CACNA2D1: variants seen among roughly 807,000 people sequenced by gnomAD.
CACNA2D1 encodes voltage-dependent calcium channel subunit alpha-2/delta-1.
In CACNA2D1, 53 loss-of-function variants were observed where a neutral mutation model predicts 171.5. The observed-to-expected ratio is 0.31, with a 90% CI of 0.25 to 0.39. The LOEUF is 0.39. CACNA2D1 is among the 10% of genes least tolerant of loss of function. The pLI, the probability that CACNA2D1 is intolerant of heterozygous loss-of-function variation, is 1.00. For missense variants in CACNA2D1, 903 were observed against 1,299.8 expected (o/e 0.69, Z 4.69); for synonymous variants, 442 against 443.1 (o/e 1.00, Z 0.03).
At chr7:82,264,975 T>G (rs887407260) in intron 3 of CACNA2D1, among the ~76,000 whole-genome samples, 3 of 152,220 alleles carry the variant, frequency 2.0e-5, no homozygotes, top group Non-Finnish European at 2.9e-5. Context: ...ATATCAGGCA[T>G]GTTCATATCA....
At chr7:82,232,498 C>T (rs10233677) in intron 3 of CACNA2D1, among the ~76,000 whole-genome samples, 1 of 152,078 alleles carries the variant, frequency 6.6e-6, no homozygotes, top group East Asian at 1.9e-4. Context: ...TATGGGCTTT[C>T]TCAGTATCAT....
At chr7:82,342,884 A>G (rs1159521401) in intron 2 of CACNA2D1, among the ~76,000 whole-genome samples, 1 of 152,140 alleles carries the variant, frequency 6.6e-6, no homozygotes, top group Non-Finnish European at 1.5e-5. Context: ...GATGGTTTAT[A>G]TCTTATTCTC....
At chr7:82,409,217 G>T (rs761984507) in intron 1 of CACNA2D1, among the ~76,000 whole-genome samples, 16 of 152,066 alleles carry the variant, frequency 1.1e-4, no homozygotes, top group Non-Finnish European at 1.6e-4. Context: ...ACATTTGAGT[G>T]ACTATTACTT....
intron 10 of CACNA2D1, among the ~76,000 whole-genome samples, chr7:82,056,993 T>C (rs1805984380): frequency 1.3e-5 from 2 of 152,148 alleles, no homozygotes; most frequent in Admixed American, 6.6e-5. Context: ...CTGATAACAT[T>C]GGGACAGTCT....
At chr7:82,200,591 G>A (rs961863818) in intron 3 of CACNA2D1, among the ~76,000 whole-genome samples, 1 of 151,864 alleles carries the variant, frequency 6.6e-6, no homozygotes, top group South Asian at 2.1e-4. Flanking sequence ...CTTTTTTTGT[G>A]TTTTCTGTTC....
At chr7:82,412,793 A>C (rs2129455565) in intron 1 of CACNA2D1, among the ~76,000 whole-genome samples, 1 of 152,126 alleles carries the variant, frequency 6.6e-6, no homozygotes, top group African/African-American at 2.4e-5. Flanking sequence ...TATGTTAAAA[A>C]GTACTTGATA....
intron 3 of CACNA2D1, among the ~76,000 whole-genome samples, chr7:82,266,103 C>T (rs992312621): frequency 2.0e-5 from 3 of 152,052 alleles, no homozygotes; most frequent in African/African-American, 7.2e-5. Context: ...TTACAGGAGC[C>T]ATTCAGTTAC....
At position 82,085,521 on chromosome 7, in the gene CACNA2D1, T is replaced by TAA. The variant is rs1333024522; in HGVS notation, c.527-623_527-622dup. On this transcript the variant is annotated intron_variant, in intron 6 of 38. Coordinates refer to ENST00000356860, the MANE Select transcript of CACNA2D1 (RefSeq NM_000722.4). Reference sequence around the variant, plus strand: ...AGCAACATAAATTAGCCTGCTACCTTAAAAAAAAAAAAAAGAAAAAAAGTC... The same window carrying TAA: ...AGCAACATAAATTAGCCTGCTACCTTAAAAAAAAAAAAAAAAGAAAAAAAGTC... Among the ~76,000 whole-genome samples the TAA allele has an allele frequency of 4.5e-4, 59 of 131,286 alleles. No homozygotes were observed. The East Asian group carries it at 0.013, about 28-fold the overall frequency. The allele number at this position is 131,286 out of a possible 152,430, so 86.1% of individuals were successfully genotyped here.
chr7:82,045,921 T>C (rs562125888), intron 10 of CACNA2D1, among the ~76,000 whole-genome samples: 5 of 151,336 alleles, frequency 3.3e-5, no homozygotes, highest in African/African-American at 1.2e-4. Context: ...CTGACGCACT[T>C]TTCTCTAAGG....
chr7:81,951,129 A>T (rs190023428), intron 38 of CACNA2D1, among the ~76,000 whole-genome samples: 1 of 152,106 alleles, frequency 6.6e-6, no homozygotes, highest in African/African-American at 2.4e-5. Flanking sequence ...TCCAAAATAG[A>T]GAGCTAAGCT....
intron 5 of CACNA2D1, among the ~76,000 whole-genome samples, chr7:82,120,905 ATTACT>A (rs930871657): frequency 6.6e-5 from 10 of 151,424 alleles, no homozygotes; most frequent in South Asian, 2.1e-4. Flanking sequence ...ATGTTTAAAC[ATTACT>A]TTAAACATTA....
chr7:82,008,247 T>C (rs1174264384), intron 15 of CACNA2D1, among the ~76,000 whole-genome samples: 3 of 152,104 alleles, frequency 2.0e-5, no homozygotes. Flanking sequence ...AATAACATGA[T>C]AAATAAAAGA....
At chr7:82,196,845 G>T (rs1798905672) in intron 3 of CACNA2D1, among the ~76,000 whole-genome samples, 2 of 151,812 alleles carry the variant, frequency 1.3e-5, no homozygotes. Flanking sequence ...GTGAATAGAG[G>T]ATGGTTGCCT....
chr7:82,168,158 G>C (rs915710345), intron 4 of CACNA2D1, among the ~76,000 whole-genome samples: 2 of 151,870 alleles, frequency 1.3e-5, no homozygotes, highest in Non-Finnish European at 2.9e-5. Context: ...GGGGCTTGGG[G>C]GAGATGAGGT....
intron 30 of CACNA2D1, 73 bp downstream of exon 30, chr7:81,967,523 G>A: frequency 1.2e-6 from 1 of 801,474 alleles, no homozygotes; most frequent in Non-Finnish European, 2.1e-6. Flanking sequence ...CACTGTATAA[G>A]GACCTTATAT....
chr7:82,124,558 T>A (rs1584834022), intron 5 of CACNA2D1, among the ~76,000 whole-genome samples: 1 of 152,142 alleles, frequency 6.6e-6, no homozygotes, highest in Non-Finnish European at 1.5e-5. Flanking sequence ...AGAATGGTTG[T>A]GGGCCTCTAC....
chr7:82,356,041 C>T (rs1377939115), intron 1 of CACNA2D1, among the ~76,000 whole-genome samples: 1 of 152,066 alleles, frequency 6.6e-6, no homozygotes, highest in African/African-American at 2.4e-5. Flanking sequence ...TCTTATCCCT[C>T]CTCCAGTCCT....
Position 82,066,657 on chromosome 7 carries a change from T to G in CACNA2D1, c.659-133A>C, listed in dbSNP as rs553399628. On this transcript the variant is annotated intron_variant, in intron 7 of 38. Transcript: ENST00000356860. ...CGTACTTCAATGTTCAAATGAGAGA[T>G]ATCATTTTTAAGCCCTTATATTGCT... 260 of 1,338,658 alleles carry G rather than the reference T, an allele frequency of 1.9e-4. No homozygotes were observed. The African/African-American group carries it at 3.5e-3, about 18-fold the overall frequency. 82.9% of individuals were successfully genotyped at this position (1,338,658 alleles called of 1,614,324 possible).
At chr7:82,039,516 G>A (rs1803691203) in intron 10 of CACNA2D1, among the ~76,000 whole-genome samples, 1 of 152,048 alleles carries the variant, frequency 6.6e-6, no homozygotes. Context: ...TGCTCTGCAA[G>A]ATAAACATTA....
Sources: allele counts gnomAD v4.1 joint callset (sites outside exome capture counted in the v4.1 genomes callset), GRCh38; gene constraint gnomAD v4.1.1; transcripts MANE v1.5; gene names NCBI Gene and HGNC (gene_info 2026-07-23, HGNC 2026-07-21).